The following RBM39 variants were observed in gnomAD, a reference collection of about 807,000 sequenced individuals.
RBM39 encodes RNA binding motif protein 39.
In RBM39, 12 loss-of-function variants were observed where a neutral mutation model predicts 79.6. That is an observed-to-expected ratio of 0.15 (90% confidence interval 0.10 to 0.24). RBM39 has a LOEUF of 0.24. RBM39 is among the 10% of genes least tolerant of loss of function. The pLI, the probability that RBM39 is intolerant of heterozygous loss-of-function variation, is 1.00. For synonymous variants in RBM39, 185 were observed against 208.4 expected (o/e 0.89, Z 0.97); for missense variants, 243 against 653.4 (o/e 0.37, Z 6.85).
chr20:35,732,803 A>G (rs1342615977), intron 3 of RBM39: 2 of 152,276 alleles, frequency 1.3e-5, no homozygotes, highest in East Asian at 3.8e-4. Flanking sequence ...CACAAAATAA[A>G]TTAATAAAAC....
chr20:35,741,451 G>A (rs1364972395), intron 1 of RBM39: 3 of 152,510 alleles, frequency 2.0e-5, no homozygotes, highest in Non-Finnish European at 4.4e-5. Context: ...CTTTAACCAG[G>A]TTTGGCTTAC....
chr20:35,709,203 A>T, intron 13 of RBM39, 21 bp downstream of exon 13: 1 of 1,577,306 alleles, frequency 6.3e-7, no homozygotes, highest in South Asian at 1.1e-5. Flanking sequence ...AAAAATAAAA[A>T]ATATGAACAC....
At chr20:35,727,650 A>ATTT (rs149113488) in intron 6 of RBM39, among the ~76,000 whole-genome samples, 5 of 130,050 alleles carry the variant, frequency 3.8e-5, no homozygotes, top group Non-Finnish European at 8.3e-5. Context: ...TAATTTTTGT[A>ATTT]TTTTTTTTTT....
At chr20:35,711,845 T>C (rs1283515695) in intron 12 of RBM39, among the ~76,000 whole-genome samples, 1 of 152,124 alleles carries the variant, frequency 6.6e-6, no homozygotes, top group Non-Finnish European at 1.5e-5. Context: ...TTCGTATATA[T>C]ATATAAGGTC....
chr20:35,728,957 T>C (rs1209304924), intron 6 of RBM39, among the ~76,000 whole-genome samples: 1 of 151,558 alleles, frequency 6.6e-6, no homozygotes, highest in Admixed American at 6.6e-5. Flanking sequence ...ATGCCTGTAA[T>C]CCCAGCTACT....
At chr20:35,724,834 TA>T in intron 7 of RBM39, 112 bp from the exon 8 acceptor site, 1 of 1,311,456 alleles carries the variant, frequency 7.6e-7, no homozygotes, top group Non-Finnish European at 1.0e-6. Context: ...ATTAAAAAAG[TA>T]AATCTGTAGG....
chr20:35,733,312 A>C (rs928345125), intron 3 of RBM39, among the ~76,000 whole-genome samples: 1 of 151,742 alleles, frequency 6.6e-6, no homozygotes, highest in Non-Finnish European at 1.5e-5. Flanking sequence ...TCAAAAAAAA[A>C]AAAAAAAACC....
chr20:35,732,246 G>T, intron 3 of RBM39, 111 bp from the exon 4 acceptor site: 4 of 974,690 alleles, frequency 4.1e-6, no homozygotes, highest in Non-Finnish European at 6.3e-6. Context: ...TCTTTGGCTA[G>T]TTTTACTATG....
intron 6 of RBM39, among the ~76,000 whole-genome samples, chr20:35,727,337 G>C (rs2038839292): frequency 6.9e-6 from 1 of 144,104 alleles, no homozygotes; most frequent in Non-Finnish European, 1.5e-5. Flanking sequence ...GTGACAAAGA[G>C]AAACCCTACC....
intron 8 of RBM39, among the ~76,000 whole-genome samples, chr20:35,722,456 G>A (rs2038084912): frequency 8.5e-6 from 1 of 117,974 alleles, no homozygotes; most frequent in African/African-American, 3.6e-5. Context: ...TTTATTTAGA[G>A]GCTTTTTTTT....
chr20:35,714,516 C>A (rs1457332276), intron 10 of RBM39, 127 bp from the exon 11 acceptor site: 2 of 1,312,466 alleles, frequency 1.5e-6, no homozygotes, highest in Non-Finnish European at 2.0e-6. Context: ...GTAGAAACTG[C>A]AAGCTGTAAG....
At chr20:35,729,676 C>G in intron 4 of RBM39, 149 bp from the exon 5 acceptor site, 4 of 695,868 alleles carry the variant, frequency 5.7e-6, no homozygotes, top group Non-Finnish European at 9.5e-6. Context: ...TGTCTCTTAA[C>G]TTTATTCCCA....
chr20:35,736,873 G>T (rs548865240), intron 3 of RBM39, among the ~76,000 whole-genome samples: 5 of 151,140 alleles, frequency 3.3e-5, no homozygotes, highest in African/African-American at 1.2e-4. Context: ...GGATGGTCTC[G>T]ATCTCCTGAC....
At chr20:35,721,938 T>G in intron 8 of RBM39, 61 bp from the exon 9 acceptor site, 1 of 1,528,644 alleles carries the variant, frequency 6.5e-7, no homozygotes, top group Admixed American at 1.8e-5. Flanking sequence ...ACATACACCT[T>G]CCATTTGCAT....
At chr20:35,729,107 A>G (rs751161587) in intron 6 of RBM39, among the ~76,000 whole-genome samples, 2 of 151,676 alleles carry the variant, frequency 1.3e-5, no homozygotes, top group Non-Finnish European at 2.9e-5. Context: ...AAATAAATAT[A>G]TAACTGTTGC....
intron 3 of RBM39, 192 bp from the exon 4 acceptor site, chr20:35,732,327 G>A (rs2039461207): frequency 3.3e-6 from 2 of 598,234 alleles, no homozygotes; most frequent in South Asian, 2.1e-5. Context: ...GTAGGCCGAG[G>A]CAGGCAGATC....
At chr20:35,740,677 T>C in intron 2 of RBM39, 147 bp downstream of exon 2, 1 of 1,297,774 alleles carries the variant, frequency 7.7e-7, no homozygotes, top group Non-Finnish European at 1.1e-6. Flanking sequence ...CAATAGCATA[T>C]ATTTACTTTT....
chr20:35,726,483 A>G (rs1410315037), intron 6 of RBM39, among the ~76,000 whole-genome samples: 1 of 152,202 alleles, frequency 6.6e-6, no homozygotes, highest in East Asian at 1.9e-4. Context: ...TGACAGTTTA[A>G]TCATAGTCAT....
intron 13 of RBM39, among the ~76,000 whole-genome samples, chr20:35,708,293 A>C (rs935683152): frequency 6.6e-6 from 1 of 152,116 alleles, no homozygotes; most frequent in Non-Finnish European, 1.5e-5. Flanking sequence ...AGCTTACAGA[A>C]GATATGGAAG....
Sources: gnomAD v4.1 joint callset for allele counts (sites outside exome capture counted in the v4.1 genomes callset) on GRCh38, gnomAD v4.1.1 for gene constraint, MANE v1.5 for transcripts, NCBI Gene and HGNC (gene_info 2026-07-23, HGNC 2026-07-21) for gene names.